Variants in SCAPER observed in about 807,000 individuals in gnomAD.
SCAPER encodes S phase cyclin A-associated protein in the endoplasmic reticulum.
A neutral mutation model predicts 182.2 loss-of-function variants in SCAPER; 98 were observed. That is an observed-to-expected ratio of 0.54 (90% CI 0.46 to 0.64). The LOEUF (loss-of-function observed/expected upper bound fraction) is 0.64, where lower values mean the gene tolerates loss of function less well. SCAPER is among the 30% of genes least tolerant of loss of function. SCAPER has a pLI of 0.00. For missense variants in SCAPER, 1,432 were observed against 1,690.0 expected (o/e 0.85, Z 2.68); for synonymous variants, 605 against 564.6 (o/e 1.07, Z -1.01).
At chr15:76,355,457 CTTTAT>C (rs909827335) in intron 29 of SCAPER, among the ~76,000 whole-genome samples, 6 of 152,150 alleles carry the variant, frequency 3.9e-5, no homozygotes, top group African/African-American at 1.2e-4. Context: ...TTACTTAAAT[CTTTAT>C]TTTAACTATT....
At chr15:76,620,787 AG>A (rs2051964619) in intron 22 of SCAPER, among the ~76,000 whole-genome samples, 1 of 152,112 alleles carries the variant, frequency 6.6e-6, no homozygotes, top group Non-Finnish European at 1.5e-5. Flanking sequence ...CTCACTTATA[AG>A]GGGGAGTTGA....
At chr15:76,651,424 G>T (rs891408888) in intron 21 of SCAPER, among the ~76,000 whole-genome samples, 1 of 151,590 alleles carries the variant, frequency 6.6e-6, no homozygotes, top group African/African-American at 2.4e-5. Flanking sequence ...TTTCCTGATT[G>T]CTCTGGCTAG....
At chr15:76,357,459 C>T (rs1450197429) in intron 29 of SCAPER, among the ~76,000 whole-genome samples, 1 of 152,118 alleles carries the variant, frequency 6.6e-6, no homozygotes, top group African/African-American at 2.4e-5. Context: ...CAAAGAATAA[C>T]AGATGTTGGC....
intron 5 of SCAPER, among the ~76,000 whole-genome samples, chr15:76,804,864 C>T (rs1004015071): frequency 6.6e-6 from 1 of 151,744 alleles, no homozygotes; most frequent in African/African-American, 2.4e-5. Flanking sequence ...TTCTCAAAAC[C>T]TCCCCCAATA....
intron 26 of SCAPER, among the ~76,000 whole-genome samples, chr15:76,425,133 T>C (rs2142398037): frequency 6.6e-6 from 1 of 152,254 alleles, no homozygotes; most frequent in South Asian, 2.1e-4. Context: ...TTTGTGGCCG[T>C]CTGTATTTCT....
At chr15:76,780,457 T>G (rs140048985) in intron 8 of SCAPER, among the ~76,000 whole-genome samples, 2,203 of 152,326 alleles carry the variant, frequency 0.014, 55 homozygotes, top group African/African-American at 0.051. Context: ...AGAGCATAGC[T>G]GAACAAAAGG....
At chr15:76,846,635 CA>C (rs1387038583) in intron 4 of SCAPER, among the ~76,000 whole-genome samples, 2 of 152,004 alleles carry the variant, frequency 1.3e-5, no homozygotes, top group Non-Finnish European at 2.9e-5. Context: ...AAATGCAAAT[CA>C]AAACTAAAAT....
At chr15:76,543,094 C>A (rs1327005909) in intron 23 of SCAPER, among the ~76,000 whole-genome samples, 1 of 152,030 alleles carries the variant, frequency 6.6e-6, no homozygotes. Context: ...TGTTGAATTA[C>A]ATTTCTAATA....
chr15:76,469,328 T>C lies in SCAPER; in HGVS notation c.3078+1884A>G, dbSNP rs555377598. 3.9e-5 allele frequency among the ~76,000 whole-genome samples: 6 copies of C among 152,312 alleles called. 1 individual carries two copies. Among genetic ancestry groups the C allele is most frequent in the African/African-American group, 1.4e-4 (6 of 41,590 alleles). On this transcript the variant is annotated intron_variant, in intron 25 of 31. Coordinates refer to ENST00000563290, the MANE Select transcript of SCAPER (RefSeq NM_020843.4). ...TTTTCATTCTTGTTTTGAAATAATT[T>C]TAAGTAAACAAATATGTTGCAAAAA...
At chr15:76,667,625 C>CCAAAAA (rs2056687759) in intron 20 of SCAPER, among the ~76,000 whole-genome samples, 1 of 27,454 alleles carries the variant, frequency 3.6e-5, no homozygotes, top group Non-Finnish European at 6.5e-5. Context: ...GACTCAGTCT[C>CCAAAAA]AAAAAAAAAA....
chr15:76,657,827 T>C (rs891193821), intron 21 of SCAPER, among the ~76,000 whole-genome samples: 4 of 152,150 alleles, frequency 2.6e-5, no homozygotes, highest in Admixed American at 6.5e-5. Context: ...TATGATCGTC[T>C]AAATAGATGC....
Position 76,665,752 on chromosome 15 carries a change from A to G in SCAPER, c.2546T>C (p.Val849Ala). ...LSLKKYIIDI[V>A]VESTAPAEAL... is the part of the protein sequence containing the mutation. ...TTCTGCTGGAGCTGTACTTTCAACCACAATGTCAATAATGTACTTCTTCAA... is the reference window on the plus strand; with the variant it reads ...TTCTGCTGGAGCTGTACTTTCAACCGCAATGTCAATAATGTACTTCTTCAA... The change falls in exon 21 of 32, where the codon GTG (valine) becomes GCG (alanine). Residue 849 changes from valine (V) to alanine (A), a missense_variant. Physicochemically the swap from Val to Ala is moderately conservative, Grantham distance 64. This residue lies in a region of SCAPER where 718 missense variants were observed against 799.7 expected (regional missense o/e 0.90). Transcript: ENST00000563290. 1 of 1,547,694 alleles carries G rather than the reference A, an allele frequency of 6.5e-7. No individual in the cohort carries two copies. The highest frequency in any genetic ancestry group is 1.2e-5 in the South Asian group (1 of 82,140).
chr15:76,436,751 T>C (rs2047224394), intron 25 of SCAPER, among the ~76,000 whole-genome samples: 2 of 152,216 alleles, frequency 1.3e-5, no homozygotes, highest in Non-Finnish European at 2.9e-5. Context: ...TGAATGAATA[T>C]ATCAGTGTAT....
Position 76,740,490 on chromosome 15 carries a change from G to GT in SCAPER, c.1867-7107dup, listed in dbSNP as rs1242123717. Among the ~76,000 whole-genome samples the GT allele has an allele frequency of 3.3e-5, 5 of 152,272 alleles. No homozygotes were observed. In the East Asian group the frequency reaches 9.6e-4, roughly 29 times the overall value. ...TTTTTCAAGCTTCCATGCAGTAAAT[G>GT]TAAGTCACCTACAAGAAAGAAAATT... On this transcript the variant is annotated intron_variant, in intron 15 of 31. Transcript: ENST00000563290.
intron 5 of SCAPER, among the ~76,000 whole-genome samples, chr15:76,833,063 G>A (rs1419071449): frequency 6.6e-6 from 1 of 151,958 alleles, no homozygotes; most frequent in Non-Finnish European, 1.5e-5. Flanking sequence ...CCATCCCCCA[G>A]ACACATAATT....
intron 21 of SCAPER, among the ~76,000 whole-genome samples, chr15:76,630,146 C>T (rs569929402): frequency 6.6e-6 from 1 of 152,074 alleles, no homozygotes; most frequent in African/African-American, 2.4e-5. Flanking sequence ...TTGGTGATAT[C>T]CCATTTATTA....
intron 10 of SCAPER, among the ~76,000 whole-genome samples, chr15:76,768,604 A>G (rs2063250283): frequency 1.3e-5 from 2 of 152,138 alleles, no homozygotes; most frequent in Admixed American, 1.3e-4. Context: ...AAAGCTGATT[A>G]TGGAGAATAT....
At position 76,636,985 on chromosome 15, in the gene SCAPER, A is replaced by T. The variant is rs547429294; in HGVS notation, c.2646-15156T>A. The stretch of plus-strand genomic sequence containing the variant: ...AGCATTATTCCTGCCATTTTATTTT[A>T]AAAAAAAACAGCTTTGAGATAAAAT... On this transcript the variant is annotated intron_variant, in intron 21 of 31. Transcript: ENST00000563290. Among the ~76,000 whole-genome samples the T allele has an allele frequency of 6.9e-4, 103 of 150,062 alleles. 1 individual carries two copies. Among genetic ancestry groups the T allele is most frequent in the African/African-American group, 2.1e-3 (86 of 40,360 alleles).
At chr15:76,694,719 C>A (rs1403404457) in intron 20 of SCAPER, among the ~76,000 whole-genome samples, 1 of 151,878 alleles carries the variant, frequency 6.6e-6, no homozygotes, top group Non-Finnish European at 1.5e-5. Flanking sequence ...AATAAAAATA[C>A]AACAGGAAAA....
Sources: gnomAD v4.1 joint callset for allele counts (sites outside exome capture counted in the v4.1 genomes callset) on GRCh38, gnomAD v4.1.1 for gene constraint, gnomAD v4.1.1 regional missense constraint, MANE v1.5 for transcripts, NCBI Gene and HGNC (gene_info 2026-07-23, HGNC 2026-07-21) for gene names.